Variants in CYLD observed in about 807,000 individuals in gnomAD.
CYLD encodes the protein CYLD lysine 63 deubiquitinase, also known as ubiquitin carboxyl-terminal hydrolase CYLD.
A neutral mutation model predicts 104.5 loss-of-function variants in CYLD; 26 were observed. That is an observed-to-expected ratio of 0.25 (90% CI 0.18 to 0.35). The LOEUF (loss-of-function observed/expected upper bound fraction) is 0.35, where lower values mean the gene tolerates loss of function less well. Among genes scored for constraint, CYLD ranks in the 10% least tolerant of loss-of-function variants. The pLI is 1.00. For missense variants in CYLD, 703 were observed against 1,136.1 expected, an observed-to-expected ratio of 0.62 and a Z score of 5.48; for synonymous variants, 385 against 399.9, an observed-to-expected ratio of 0.96 and a Z score of 0.45.
In CYLD at chr16:50,799,763, A is replaced by G. The variant is rs1277801575; in HGVS notation, c.*3255A>G. On this transcript the variant is annotated 3_prime_UTR_variant, in exon 19 of 19. Coordinates refer to ENST00000427738, the MANE Select transcript of CYLD (RefSeq NM_001378743.1). ...ATAGATTCAGGATTCACTACCCTCTATAGCTGGATCTTGAAAATTATCTGG... is the reference window on the plus strand; with the variant it reads ...ATAGATTCAGGATTCACTACCCTCTGTAGCTGGATCTTGAAAATTATCTGG... 2 of 233,080 alleles carry G rather than the reference A, an allele frequency of 8.6e-6. No individual in the cohort carries two copies. The highest frequency in any genetic ancestry group is 1.7e-5 in the Non-Finnish European group (2 of 117,936). 14.4% of individuals were successfully genotyped at this position (233,080 alleles called of 1,614,324 possible). A position where few individuals can be genotyped will look rare whatever the true frequency, so the allele number is the denominator to read the frequency against.
Position 50,780,968 on chromosome 16 carries a change from G to A in CYLD, c.1519-278G>A, listed in dbSNP as rs537675533. On this transcript the variant is annotated intron_variant, in intron 9 of 18. Transcript: ENST00000427738. ...GTTTTAATGCTTGTAGAAATGGTGC[G>A]GGAAAGCCCGTTTAACCAGGGGAGG... Among the ~76,000 whole-genome samples the A allele has an allele frequency of 3.3e-5, 5 of 152,164 alleles. No homozygotes were observed. The East Asian group carries it at 7.7e-4, about 24-fold the overall frequency.
chr16:50,793,716 T>C (rs748593743), intron 17 of CYLD, 52 bp downstream of exon 17: 2 of 1,165,254 alleles, frequency 1.7e-6, no homozygotes, highest in African/African-American at 3.0e-5. Flanking sequence ...GTAACTTATT[T>C]ATAGTTGAAA....
chr16:50,763,333 C>T (rs1001279952), intron 5 of CYLD, among the ~76,000 whole-genome samples: 1 of 152,032 alleles, frequency 6.6e-6, no homozygotes, highest in African/African-American at 2.4e-5. Context: ...TACAAACATG[C>T]ATGTACAAGT....
chr16:50,777,937 T>G lies in CYLD; in HGVS notation c.1134T>G (p.Asp378Glu), dbSNP rs1424042939. The G allele has an allele frequency of 6.7e-7, 1 of 1,494,454 alleles. No homozygotes were observed. The highest frequency in any genetic ancestry group is 1.7e-5 in the Admixed American group (1 of 59,762). The allele number at this position is 1,494,454 out of a possible 1,614,324, so 92.6% of individuals were successfully genotyped here. A position where few individuals can be genotyped will look rare whatever the true frequency, so the allele number is the denominator to read the frequency against. Residue 378 changes from aspartate to glutamate, a missense_variant, in exon 8 of 19, where the codon GAT (aspartate) becomes GAG (glutamate). Asp to Glu is a conservative substitution (Grantham distance 45). Coordinates refer to ENST00000427738, the MANE Select transcript of CYLD (RefSeq NM_001378743.1). ...QSKSKNTWYI[D>E]EVAEDPAKSL... ...AATCAAAAAATACATGGTACATTGA[T>G]GAAGGTAATCAGTAATTTTAGTGTT...
intron 5 of CYLD, among the ~76,000 whole-genome samples, chr16:50,755,768 G>C (rs1596990451): frequency 1.3e-5 from 2 of 152,058 alleles, no homozygotes; most frequent in Non-Finnish European, 2.9e-5. Flanking sequence ...GTTCTTTGTA[G>C]ATTCTATATA....
rs117998712 is a variant in CYLD at position 50,796,023 on chromosome 16, C to T, written c.2687-301C>T. On this transcript the variant is annotated intron_variant, in intron 18 of 18. Coordinates refer to ENST00000427738, the MANE Select transcript of CYLD (RefSeq NM_001378743.1). The stretch of plus-strand genomic sequence containing the variant: ...AAATGAAATGTGAGGAACAGAGTGT[C>T]GTCTACATATGTATTGATAATATGA... Among the ~76,000 whole-genome samples the T allele has an allele frequency of 1.7e-4, 26 of 152,224 alleles. No homozygotes were observed. In the East Asian group the frequency reaches 4.1e-3, roughly 24 times the overall value.
intron 5 of CYLD, among the ~76,000 whole-genome samples, chr16:50,764,229 G>A (rs1017916965): frequency 6.6e-6 from 1 of 152,116 alleles, no homozygotes; most frequent in Non-Finnish European, 1.5e-5. Context: ...CCTGGGAAAG[G>A]TTTCTTTTAT....
At chr16:50,764,079 T>A (rs1440242325) in intron 5 of CYLD, among the ~76,000 whole-genome samples, 1 of 152,194 alleles carries the variant, frequency 6.6e-6, no homozygotes, top group Non-Finnish European at 1.5e-5. Context: ...TCATGATTCA[T>A]ACTTTGCTTG....
chr16:50,783,545 G>A (rs1050497865), intron 11 of CYLD, among the ~76,000 whole-genome samples: 6 of 151,752 alleles, frequency 4.0e-5, no homozygotes, highest in South Asian at 4.2e-4. Context: ...GCTGTCACTC[G>A]TTTATTTTTT....
intron 15 of CYLD, among the ~76,000 whole-genome samples, chr16:50,791,919 G>A (rs566922658): frequency 6.6e-6 from 1 of 152,314 alleles, no homozygotes; most frequent in South Asian, 2.1e-4. Context: ...AAAACACCAA[G>A]CTAATCTGCG....
chr16:50,770,770 G>A (rs1400000181), intron 5 of CYLD, among the ~76,000 whole-genome samples: 3 of 152,132 alleles, frequency 2.0e-5, no homozygotes, highest in African/African-American at 7.2e-5. Context: ...ATTCTTGAGT[G>A]AAAGGTGTCC....
intron 12 of CYLD, chr16:50,786,548 C>G (rs1970844618): frequency 3.4e-6 from 1 of 297,864 alleles, no homozygotes; most frequent in African/African-American, 2.2e-5. Flanking sequence ...TCACTTGAGG[C>G]CAGGAGTTCA....
chr16:50,775,557 T>C (rs1326275073), intron 6 of CYLD, among the ~76,000 whole-genome samples: 1 of 152,220 alleles, frequency 6.6e-6, no homozygotes, highest in African/African-American at 2.4e-5. Flanking sequence ...CAGAACTTTC[T>C]TTCCTAACCA....
chr16:50,758,323 C>T (rs1007155956), intron 5 of CYLD, among the ~76,000 whole-genome samples: 9 of 152,068 alleles, frequency 5.9e-5, no homozygotes, highest in Admixed American at 4.6e-4. Flanking sequence ...ACTGTGGCTG[C>T]GGCAGATGGA....
At chr16:50,787,925 C>A in intron 14 of CYLD, 73 bp downstream of exon 14, 2 of 863,538 alleles carry the variant, frequency 2.3e-6, no homozygotes, top group East Asian at 2.5e-5. Flanking sequence ...ATTCAACAGA[C>A]ATGATTTCCA....
intron 5 of CYLD, among the ~76,000 whole-genome samples, chr16:50,759,952 A>G (rs759736571): frequency 1.2e-4 from 19 of 152,222 alleles, no homozygotes; most frequent in Admixed American, 3.3e-4. Flanking sequence ...TAGAATTTTA[A>G]TAAAACATCT....
At chr16:50,749,477 T>C (rs1361538140) in intron 2 of CYLD, 99 bp from the exon 3 acceptor site, 3 of 584,338 alleles carry the variant, frequency 5.1e-6, no homozygotes, top group Admixed American at 3.2e-5. Context: ...AAATGAAAAT[T>C]TTAAAAGTCT....
At chr16:50,795,151 AG>A in intron 18 of CYLD, among the ~76,000 whole-genome samples, 1 of 152,298 alleles carries the variant, frequency 6.6e-6, no homozygotes, top group African/African-American at 2.4e-5. Context: ...CTGAGGTTTA[AG>A]GGGCTTGAGG....
chr16:50,782,965 C>A (rs1490331079), intron 11 of CYLD, among the ~76,000 whole-genome samples: 1 of 140,404 alleles, frequency 7.1e-6, no homozygotes, highest in Non-Finnish European at 1.5e-5. Flanking sequence ...CACTCTGTCC[C>A]CCAGGCTGGA....
Sources: gnomAD v4.1 joint callset for allele counts (sites outside exome capture counted in the v4.1 genomes callset) on GRCh38, gnomAD v4.1.1 for gene constraint, MANE v1.5 for transcripts, NCBI Gene and HGNC (gene_info 2026-07-23, HGNC 2026-07-21) for gene names.